MYEF2: variants seen among roughly 807,000 people sequenced by gnomAD.
MYEF2 encodes the protein myelin expression factor 2, also known as myelin gene expression factor 2.
MYEF2 carries 37 observed loss-of-function variants against 75.2 expected under a neutral mutation model. The observed-to-expected ratio is 0.49, with a 90% CI of 0.38 to 0.65. The LOEUF (loss-of-function observed/expected upper bound fraction) is 0.65. Among genes scored for constraint, MYEF2 ranks in the 30% least tolerant of loss-of-function variants. MYEF2 has a pLI of 0.00. For missense variants in MYEF2, 634 were observed against 771.4 expected, an observed-to-expected ratio of 0.82 and a Z score of 2.11; for synonymous variants, 195 against 241.6, an observed-to-expected ratio of 0.81 and a Z score of 1.79.
chr15:48,161,665 T>C (rs978411679), intron 5 of MYEF2, among the ~76,000 whole-genome samples: 10 of 151,326 alleles, frequency 6.6e-5, no homozygotes, highest in Non-Finnish European at 1.5e-4. Flanking sequence ...TAACATGATA[T>C]TTAGCATCCA....
chr15:48,167,153 G>A (rs1030430448), intron 3 of MYEF2, among the ~76,000 whole-genome samples, 196 bp downstream of exon 3: 2 of 152,022 alleles, frequency 1.3e-5, no homozygotes, highest in Admixed American at 1.3e-4. Flanking sequence ...CCTTTGGAGT[G>A]TTTACAAAAC....
Position 48,138,079 on chromosome 15 carries a change from T to C in MYEF2, c.*4829A>G, listed in dbSNP as rs1321966160. ...GGTATAAGAGGTATGCCTCTCCAAA[T>C]TAAGTTTATAATAAGAAACGCAAAA... On this transcript the variant is annotated 3_prime_UTR_variant, in exon 17 of 17. Transcript: ENST00000324324. 1.3e-5 allele frequency: 2 copies of C among 152,170 alleles called. No homozygotes were observed. Among genetic ancestry groups the C allele is most frequent in the East Asian group, 3.9e-4 (2 of 5,184 alleles). 9.4% of individuals were successfully genotyped at this position (152,170 alleles called of 1,614,324 possible). A position where few individuals can be genotyped will look rare whatever the true frequency, so the allele number is the denominator to read the frequency against.
intron 1 of MYEF2, among the ~76,000 whole-genome samples, chr15:48,169,445 T>C (rs1333973530): frequency 6.6e-6 from 1 of 152,190 alleles, no homozygotes; most frequent in Non-Finnish European, 1.5e-5. Context: ...AGAAAACTTA[T>C]AAAGTATCCT....
rs1411705076 is a variant in MYEF2, at chr15:48,142,590, T to C, written c.*318A>G. 5 of 452,010 alleles carry C rather than the reference T, an allele frequency of 1.1e-5. No homozygotes were observed. Among genetic ancestry groups the C allele is most frequent in the African/African-American group, 6.0e-5 (3 of 49,740 alleles). The allele number at this position is 452,010 out of a possible 1,614,324, so 28.0% of individuals were successfully genotyped here. On this transcript the variant is annotated 3_prime_UTR_variant, in exon 17 of 17. Coordinates refer to ENST00000324324, the MANE Select transcript of MYEF2 (RefSeq NM_016132.5). ...AATCTATGTTTTACCATACAATAAG[T>C]TGACAAAAACTGGAGAAACTAGAAC...
intron 9 of MYEF2, 47 bp downstream of exon 9, chr15:48,157,946 C>G: frequency 6.2e-7 from 1 of 1,608,154 alleles, no homozygotes; most frequent in Non-Finnish European, 8.5e-7. Flanking sequence ...CATAATAAAA[C>G]AAACCAAAAA....
At position 48,178,232 on chromosome 15, in the gene MYEF2, C is replaced by T; in HGVS notation, c.6G>A (p.Ala2=). 4 of 1,395,354 alleles carry T rather than the reference C, an allele frequency of 2.9e-6. No homozygotes were observed. The highest frequency in any genetic ancestry group is 3.7e-6 in the Non-Finnish European group (4 of 1,079,856). 86.4% of individuals were successfully genotyped at this position (1,395,354 alleles called of 1,614,324 possible). A position where few individuals can be genotyped will look rare whatever the true frequency, so the allele number is the denominator to read the frequency against. ...CGGGCACCTCGGCCTTGTTGGCGTC[C>T]GCCATCCCGCCGCCGCTGCCTCCGC... M[A]DANKAEVPGA... is the part of the protein sequence containing the mutation. Residue 2 remains alanine (A), a synonymous_variant, in exon 1 of 17, where the codon GCG becomes GCA. Transcript: ENST00000324324.
At position 48,138,708 on chromosome 15, in the gene MYEF2, T is replaced by G. The variant is rs1567228713; in HGVS notation, c.*4200A>C. 1 of 380,594 alleles carries G rather than the reference T, an allele frequency of 2.6e-6. No homozygotes were observed. The highest frequency in any genetic ancestry group is 4.8e-6 in the Non-Finnish European group (1 of 207,346). The allele number at this position is 380,594 out of a possible 1,614,324, so 23.6% of individuals were successfully genotyped here. A position where few individuals can be genotyped will look rare whatever the true frequency, so the allele number is the denominator to read the frequency against. The stretch of plus-strand genomic sequence containing the variant: ...TTCATAAACACTATCTACAATATAT[T>G]TAACGAATGGCCCAAGACATTTTTA... On this transcript the variant is annotated 3_prime_UTR_variant, in exon 17 of 17. Coordinates refer to ENST00000324324, the MANE Select transcript of MYEF2 (RefSeq NM_016132.5).
chr15:48,152,448 AG>A, intron 10 of MYEF2, 164 bp from the exon 11 acceptor site: 2 of 565,254 alleles, frequency 3.5e-6, no homozygotes, highest in South Asian at 3.1e-5. Context: ...ATGCCATAGC[AG>A]CTGTCTAATC....
Position 48,136,732 on chromosome 15 carries a change from CTG to C in MYEF2, c.*6174_*6175del. On this transcript the variant is annotated 3_prime_UTR_variant, in exon 17 of 17. Transcript: ENST00000324324. Reference sequence around the variant, plus strand: ...GATATATGGATTGTATGTTTTGGTGCTGTGTTTTGACATTAAAATTAACCAAT... The same window carrying C: ...GATATATGGATTGTATGTTTTGGTGCTGTTTTGACATTAAAATTAACCAAT... 3.7e-6 allele frequency: 6 copies of C among 1,613,262 alleles called. No individual in the cohort carries two copies. The highest frequency in any genetic ancestry group is 1.7e-5 in the Admixed American group (1 of 59,918).
intron 1 of MYEF2, among the ~76,000 whole-genome samples, chr15:48,176,219 T>TAA (rs1023560411): frequency 0.049 from 3,077 of 63,048 alleles, 135 homozygotes; most frequent in African/African-American, 0.16. Context: ...GTTCACGAAG[T>TAA]AAAAAAAAAA....
chr15:48,147,282 C>T (rs16960633), intron 16 of MYEF2, among the ~76,000 whole-genome samples: 4,175 of 151,968 alleles, frequency 0.027, 205 homozygotes, highest in African/African-American at 0.096. Flanking sequence ...GCAAGCCTTG[C>T]TCATATCTAA....
chr15:48,176,510 C>A (rs1257009599), intron 1 of MYEF2, among the ~76,000 whole-genome samples: 1 of 152,090 alleles, frequency 6.6e-6, no homozygotes, highest in African/African-American at 2.4e-5. Flanking sequence ...CTTTTCCTGT[C>A]TTGCTAAATC....
At chr15:48,172,312 T>C (rs984539391) in intron 1 of MYEF2, among the ~76,000 whole-genome samples, 2 of 151,348 alleles carry the variant, frequency 1.3e-5, no homozygotes, top group South Asian at 2.1e-4. Context: ...AGGCAGGAGA[T>C]TCACCTGAAC....
At chr15:48,172,176 G>C (rs1597358563) in intron 1 of MYEF2, among the ~76,000 whole-genome samples, 1 of 152,098 alleles carries the variant, frequency 6.6e-6, no homozygotes, top group African/African-American at 2.4e-5. Context: ...AAGGCAGGTG[G>C]GTGACTTGAG....
In MYEF2 at chr15:48,137,865, T is replaced by C. The variant is rs2140747718; in HGVS notation, c.*5043A>G. ...AAAACTTTTAGGTAAATAGGTTCAGTAGGAAGTCAGAAAATTCAGCTATGG... is the reference window on the plus strand; with the variant it reads ...AAAACTTTTAGGTAAATAGGTTCAGCAGGAAGTCAGAAAATTCAGCTATGG... On this transcript the variant is annotated 3_prime_UTR_variant, in exon 17 of 17. Transcript: ENST00000324324. The C allele has an allele frequency of 6.6e-6, 1 of 152,244 alleles. No homozygotes were observed. Among genetic ancestry groups the C allele is most frequent in the African/African-American group, 2.4e-5 (1 of 41,554 alleles). The allele number at this position is 152,244 out of a possible 1,614,324, so 9.4% of individuals were successfully genotyped here. A position where few individuals can be genotyped will look rare whatever the true frequency, so the allele number is the denominator to read the frequency against.
At chr15:48,159,001 C>T (rs2039824637) in intron 6 of MYEF2, 79 bp from the exon 7 acceptor site, 1 of 1,234,836 alleles carries the variant, frequency 8.1e-7, no homozygotes, top group Admixed American at 2.3e-5. Context: ...CTTTTCTAAA[C>T]TCTTAAAACC....
chr15:48,149,429 C>T lies in MYEF2; in HGVS notation c.1379-58G>A. On this transcript the variant is annotated intron_variant, in intron 14 of 16. Transcript: ENST00000324324. This position sits in a 1 kb window ranked among gnomAD's most constrained non-coding sequence, Gnocchi z 4.0. ...GAATTTTGTGTTTTTGTTTCAAAAA[C>T]ATAAGGAAAAGGAGAAGAGGAGAAA... 2 of 1,518,506 alleles carry T rather than the reference C, an allele frequency of 1.3e-6. No homozygotes were observed. Among genetic ancestry groups the T allele is most frequent in the South Asian group, 2.4e-5 (2 of 84,840 alleles). The allele number at this position is 1,518,506 out of a possible 1,614,324, so 94.1% of individuals were successfully genotyped here.
chr15:48,165,403 C>T (rs1175964194), intron 5 of MYEF2, among the ~76,000 whole-genome samples: 1 of 151,972 alleles, frequency 6.6e-6, no homozygotes, highest in Non-Finnish European at 1.5e-5. Flanking sequence ...CAATTTTGTA[C>T]AAAGAAGACA....
At position 48,140,796 on chromosome 15, in the gene MYEF2, C is replaced by A; in HGVS notation, c.*2112G>T. 4.0e-6 allele frequency: 1 copy of A among 250,930 alleles called. No individual in the cohort carries two copies. The allele number at this position is 250,930 out of a possible 1,614,324, so 15.5% of individuals were successfully genotyped here. ...ATCAGTCTCATTATCAAATATTCAG[C>A]ACAGCCCTGATGAGATAATGGTGGA... is the stretch of plus-strand genomic sequence containing the variant. On this transcript the variant is annotated 3_prime_UTR_variant, in exon 17 of 17. Transcript: ENST00000324324.
Sources: allele counts gnomAD v4.1 joint callset (sites outside exome capture counted in the v4.1 genomes callset), GRCh38; gene constraint gnomAD v4.1.1; non-coding constraint Gnocchi (gnomAD v3.1); transcripts MANE v1.5; gene names NCBI Gene and HGNC (gene_info 2026-07-23, HGNC 2026-07-21).